Variants in RP1 observed in about 807,000 individuals in gnomAD.
RP1 encodes RP1 axonemal microtubule associated.
Under a neutral mutation model 14.8 loss-of-function variants are expected in RP1, and 16 were observed. That is an observed-to-expected ratio of 1.08 (90% CI 0.73 to 1.65). The LOEUF is 1.65. Among genes scored for constraint, RP1 ranks in the 40% most tolerant of loss-of-function variants. The pLI is 0.00. For synonymous variants in RP1, 876 were observed against 883.6 expected, an observed-to-expected ratio of 0.99 and a Z score of 0.15; for missense variants, 2,631 against 2,535.0, an observed-to-expected ratio of 1.04 and a Z score of -0.81.
intron 12 of RP1, among the ~76,000 whole-genome samples, chr8:54,687,931 G>T (rs1204409232): frequency 1.3e-5 from 2 of 152,174 alleles, no homozygotes; most frequent in Non-Finnish European, 2.9e-5. Context: ...CCCACCAACA[G>T]TGTAAAAGCG....
At chr8:54,696,555 AATT>A in intron 12 of RP1, 2 of 738,432 alleles carry the variant, frequency 2.7e-6, no homozygotes, top group Non-Finnish European at 4.7e-6. Flanking sequence ...AAGTGACTGG[AATT>A]ATTCCTACAT....
intron 1 of RP1, among the ~76,000 whole-genome samples, chr8:54,568,342 G>T (rs1049487388): frequency 3.3e-5 from 5 of 152,198 alleles, no homozygotes; most frequent in African/African-American, 1.2e-4. Context: ...TTGAGAGACA[G>T]CTAGCAATCC....
exon 8 of RP1, chr8:54,673,924 C>A (rs867692624): frequency 1.2e-5 from 19 of 1,534,792 alleles, no homozygotes; most frequent in Non-Finnish European, 1.7e-5. Flanking sequence ...ATGGACTTGG[C>A]CCAGGTAAGA....
intron 22 of RP1, among the ~76,000 whole-genome samples, chr8:54,766,930 A>G (rs1160266566): frequency 2.0e-5 from 3 of 152,108 alleles, no homozygotes; most frequent in Non-Finnish European, 4.4e-5. Flanking sequence ...TAATATCATC[A>G]CTGCACTTCT....
chr8:54,860,599 G>T (rs187116292), intron 27 of RP1, among the ~76,000 whole-genome samples: 5 of 152,164 alleles, frequency 3.3e-5, no homozygotes, highest in Non-Finnish European at 4.4e-5. Context: ...TTTTCTGTTT[G>T]TCTCTTGCAA....
intron 1 of RP1, among the ~76,000 whole-genome samples, chr8:54,587,092 T>C (rs1220464914): frequency 1.3e-5 from 2 of 152,196 alleles, no homozygotes; most frequent in Non-Finnish European, 2.9e-5. Flanking sequence ...TTGCTCATGC[T>C]GGGAGCTATA....
At chr8:54,716,146 A>G (rs1038524164) in intron 15 of RP1, among the ~76,000 whole-genome samples, 3 of 152,170 alleles carry the variant, frequency 2.0e-5, no homozygotes, top group Non-Finnish European at 4.4e-5. Flanking sequence ...GGAAGTTTGG[A>G]AGAGTAGCTA....
chr8:54,684,172 G>A (rs954787821), intron 12 of RP1, among the ~76,000 whole-genome samples: 11 of 151,974 alleles, frequency 7.2e-5, no homozygotes, highest in African/African-American at 1.7e-4. Context: ...CAACTTGATC[G>A]TGATGGATAA....
At chr8:54,760,966 G>A (rs1809624310) in intron 22 of RP1, among the ~76,000 whole-genome samples, 1 of 152,152 alleles carries the variant, frequency 6.6e-6, no homozygotes, top group African/African-American at 2.4e-5. Context: ...GGACTTGGGT[G>A]TCATTTCCCA....
intron 22 of RP1, among the ~76,000 whole-genome samples, chr8:54,765,175 A>G (rs1809731655): frequency 6.6e-6 from 1 of 152,258 alleles, no homozygotes; most frequent in Admixed American, 6.5e-5. Context: ...TCCCATCATT[A>G]TTATTCACAA....
At chr8:54,843,180 C>T (rs558468542) in intron 25 of RP1, among the ~76,000 whole-genome samples, 3 of 152,222 alleles carry the variant, frequency 2.0e-5, no homozygotes, top group South Asian at 2.1e-4. Context: ...GGACTACAGG[C>T]GTGCACCACC....
rs1193536297 is a variant in RP1 at position 54,658,673 on chromosome 8, ATGT to A, written c.1171+2462_1171+2464del. Among the ~76,000 whole-genome samples the A allele has an allele frequency of 2.6e-5, 4 of 152,132 alleles. No homozygotes were observed. In the East Asian group the frequency reaches 5.8e-4, roughly 22 times the overall value. ...TTCCACCTTCTACCTATTGTGAATC[ATGT>A]TGTAATGACCATGGGTGTGCAAATT... On this transcript the variant is annotated intron_variant, in intron 6 of 22. Coordinates refer to the RP1 transcript ENST00000636932.
chr8:54,733,495 A>C (rs893651680), intron 17 of RP1, among the ~76,000 whole-genome samples: 2 of 152,102 alleles, frequency 1.3e-5, no homozygotes, highest in African/African-American at 4.8e-5. Context: ...ATATTTTTGC[A>C]TGGTTTTTAT....
intron 12 of RP1, among the ~76,000 whole-genome samples, chr8:54,680,675 T>G (rs1807405521): frequency 6.6e-6 from 1 of 152,110 alleles, no homozygotes; most frequent in South Asian, 2.1e-4. Flanking sequence ...AATAAATGTC[T>G]GGGCCGGGTG....
chr8:54,781,839 G>C (rs573004259), intron 23 of RP1, among the ~76,000 whole-genome samples: 33 of 152,006 alleles, frequency 2.2e-4, no homozygotes, highest in Non-Finnish European at 3.7e-4. Flanking sequence ...CACCCTTAAG[G>C]CCTATGTCAT....
At position 54,621,386 on chromosome 8, in the gene RP1, C is replaced by A; in HGVS notation, c.420C>A (p.His140Gln). The part of the protein sequence containing the change: ...SRAISAHSPP[H>Q]PVAVAAPGMP... ...CCATTAGCGCGCACTCACCGCCCCA[C>A]CCCGTAGCCGTCGCTGCTCCCGGCA... The change falls in exon 2 of 4, where the codon CAC (histidine) becomes CAA (glutamine). Residue 140 changes from histidine to glutamine, a missense_variant. Transcript: ENST00000220676. The A allele has an allele frequency of 6.2e-7, 1 of 1,612,966 alleles. No individual in the cohort carries two copies. Among genetic ancestry groups the A allele is most frequent in the South Asian group, 1.1e-5 (1 of 91,072 alleles).
In RP1 at chr8:54,775,610, C is replaced by T. The variant is rs557299960; in HGVS notation, c.3451+5443C>T. ...ATCCTCCCAGCCACAGCTGAACTGC[C>T]CCAGTTGACACTATGTGGAGCAGAG... On this transcript the variant is annotated intron_variant, in intron 23 of 28. Coordinates refer to the RP1 transcript ENST00000637698. Among the ~76,000 whole-genome samples the T allele has an allele frequency of 1.6e-3, 247 of 152,268 alleles. 9 individuals carry two copies. The South Asian group carries it at 0.049, about 30-fold the overall frequency.
chr8:54,588,358 T>C (rs1804977633), intron 1 of RP1, among the ~76,000 whole-genome samples: 1 of 152,132 alleles, frequency 6.6e-6, no homozygotes, highest in Non-Finnish European at 1.5e-5. Flanking sequence ...CAGTGTGGGA[T>C]TGAGGAGTCC....
At chr8:54,617,549 G>A (rs150575741) in intron 1 of RP1, among the ~76,000 whole-genome samples, 217 of 152,286 alleles carry the variant, frequency 1.4e-3, no homozygotes, top group African/African-American at 5.1e-3. Context: ...TTGCTCAGGT[G>A]CACCAGGTAA....
Sources: gnomAD v4.1 joint callset for allele counts (sites outside exome capture counted in the v4.1 genomes callset) on GRCh38, gnomAD v4.1.1 for gene constraint, MANE v1.5 for transcripts, NCBI Gene and HGNC (gene_info 2026-07-23, HGNC 2026-07-21) for gene names.